RALGPS1: variants seen among roughly 807,000 people sequenced by gnomAD.
RALGPS1 encodes Ral GEF with PH domain and SH3 binding motif 1, also known as ras-specific guanine nucleotide-releasing factor RalGPS1.
Under a neutral mutation model 78.8 loss-of-function variants are expected in RALGPS1, and 19 were observed. That is an observed-to-expected ratio of 0.24 (90% confidence interval 0.17 to 0.35). RALGPS1 has a LOEUF of 0.35. Ranked by LOEUF, RALGPS1 falls within the 10% of genes least tolerant of loss-of-function variation. The pLI is 1.00. For missense variants in RALGPS1, 454 were observed against 688.3 expected (o/e 0.66, Z 3.81); for synonymous variants, 228 against 256.3 (o/e 0.89, Z 1.06).
intron 8 of RALGPS1, among the ~76,000 whole-genome samples, chr9:127,119,961 A>G (rs1453721606): frequency 6.6e-6 from 1 of 152,186 alleles, no homozygotes; most frequent in East Asian, 1.9e-4. Flanking sequence ...CAAATACTTG[A>G]TGTCACCTTT....
chr9:127,154,271 G>A (rs1165600553), intron 8 of RALGPS1, among the ~76,000 whole-genome samples: 1 of 152,242 alleles, frequency 6.6e-6, no homozygotes, highest in Non-Finnish European at 1.5e-5. Flanking sequence ...GATCTGGCCA[G>A]GCCAAGTGCC....
chr9:127,005,004 A>C (rs2043700556), intron 4 of RALGPS1, among the ~76,000 whole-genome samples: 1 of 152,214 alleles, frequency 6.6e-6, no homozygotes, highest in Non-Finnish European at 1.5e-5. Context: ...GTAGGAGAGA[A>C]CTTGGTGATG....
chr9:126,937,344 G>A (rs2036358089), intron 1 of RALGPS1, among the ~76,000 whole-genome samples: 1 of 152,144 alleles, frequency 6.6e-6, no homozygotes, highest in South Asian at 2.1e-4. Flanking sequence ...AGAGAGTGGG[G>A]AAACAAGTGC....
chr9:127,011,607 T>G (rs2044351834), intron 4 of RALGPS1, among the ~76,000 whole-genome samples: 1 of 152,220 alleles, frequency 6.6e-6, no homozygotes, highest in South Asian at 2.1e-4. Flanking sequence ...GCTGGTACTT[T>G]AATAGCCATG....
At chr9:127,031,291 T>C (rs1271006082) in intron 4 of RALGPS1, among the ~76,000 whole-genome samples, 1 of 152,252 alleles carries the variant, frequency 6.6e-6, no homozygotes, top group Admixed American at 6.5e-5. Flanking sequence ...CTAAACCCAC[T>C]TAACACGGAT....
chr9:127,113,287 G>A (rs1260921302), intron 8 of RALGPS1, among the ~76,000 whole-genome samples: 1 of 152,102 alleles, frequency 6.6e-6, no homozygotes, highest in Non-Finnish European at 1.5e-5. Flanking sequence ...CTAGGACTTG[G>A]GTCAACCTGA....
intron 8 of RALGPS1, among the ~76,000 whole-genome samples, chr9:127,141,480 C>T (rs1198282565): frequency 6.6e-6 from 1 of 152,030 alleles, no homozygotes; most frequent in African/African-American, 2.4e-5. Flanking sequence ...CCATGCCAAC[C>T]AACAGCCTGA....
At chr9:126,971,196 A>G (rs1211200787) in intron 3 of RALGPS1, among the ~76,000 whole-genome samples, 1 of 152,134 alleles carries the variant, frequency 6.6e-6, no homozygotes, top group Non-Finnish European at 1.5e-5. Flanking sequence ...GACAATAGGA[A>G]TGCCTGAAAG....
intron 8 of RALGPS1, among the ~76,000 whole-genome samples, chr9:127,158,318 C>T (rs892519680): frequency 6.6e-6 from 1 of 151,980 alleles, no homozygotes; most frequent in African/African-American, 2.4e-5. Context: ...TAGTATCTTT[C>T]TCCATTATTA....
intron 4 of RALGPS1, among the ~76,000 whole-genome samples, chr9:126,979,517 G>T (rs752351564): frequency 1.3e-5 from 2 of 152,214 alleles, no homozygotes; most frequent in Non-Finnish European, 2.9e-5. Context: ...ATCTGGAGCA[G>T]TTTAGACATT....
At chr9:127,199,142 C>T in intron 14 of RALGPS1, 76 bp downstream of exon 14, 1 of 1,407,650 alleles carries the variant, frequency 7.1e-7, no homozygotes, top group Non-Finnish European at 1.0e-6. Context: ...AGGCCCCGGG[C>T]AGGGACGGGC....
At chr9:127,053,743 C>T (rs1330145936) in intron 7 of RALGPS1, among the ~76,000 whole-genome samples, 1 of 152,196 alleles carries the variant, frequency 6.6e-6, no homozygotes, top group African/African-American at 2.4e-5. Context: ...CTGTTTCCTA[C>T]TTGGCTGGTT....
chr9:127,216,651 C>T (rs998478089), intron 18 of RALGPS1, among the ~76,000 whole-genome samples: 3 of 152,170 alleles, frequency 2.0e-5, no homozygotes, highest in Admixed American at 6.5e-5. Flanking sequence ...ATAGTTTGTA[C>T]ACTGAATAAA....
chr9:126,957,106 G>A (rs928215744), intron 1 of RALGPS1, among the ~76,000 whole-genome samples: 1 of 152,218 alleles, frequency 6.6e-6, no homozygotes, highest in Non-Finnish European at 1.5e-5. Flanking sequence ...AGCTAATCAT[G>A]TGATGCTTAG....
intron 8 of RALGPS1, among the ~76,000 whole-genome samples, chr9:127,116,222 T>C (rs1050414509): frequency 5.3e-5 from 8 of 152,104 alleles, no homozygotes; most frequent in African/African-American, 1.7e-4. Context: ...ATCTGCCTGA[T>C]GCTTTGGGCT....
chr9:127,076,087 C>G (rs2050654799), intron 8 of RALGPS1, among the ~76,000 whole-genome samples: 2 of 152,198 alleles, frequency 1.3e-5, no homozygotes, highest in Admixed American at 1.3e-4. Flanking sequence ...CAGATTACTT[C>G]AAAGTGTGAA....
chr9:126,966,648 A>G (rs764789171), intron 3 of RALGPS1, among the ~76,000 whole-genome samples: 20 of 151,540 alleles, frequency 1.3e-4, no homozygotes, highest in Non-Finnish European at 2.5e-4. Flanking sequence ...CATATTATTT[A>G]CTGTAGTATT....
chr9:127,045,014 A>G (rs1388174290), intron 5 of RALGPS1, among the ~76,000 whole-genome samples: 2 of 152,206 alleles, frequency 1.3e-5, no homozygotes, highest in African/African-American at 4.8e-5. Context: ...TAGAGATGAT[A>G]AACAAATCAG....
chr9:127,143,941 A>C (rs1346598523), intron 8 of RALGPS1, among the ~76,000 whole-genome samples: 1 of 152,162 alleles, frequency 6.6e-6, no homozygotes, highest in Non-Finnish European at 1.5e-5. Context: ...CCTTCCGGGC[A>C]CCTGGGGAGT....
Sources: gnomAD v4.1 joint callset for allele counts (sites outside exome capture counted in the v4.1 genomes callset) on GRCh38, gnomAD v4.1.1 for gene constraint, MANE v1.5 for transcripts, NCBI Gene and HGNC (gene_info 2026-07-23, HGNC 2026-07-21) for gene names.